Variants in RGMA observed in about 807,000 individuals in gnomAD.
RGMA encodes repulsive guidance molecule A.
In RGMA, 10 loss-of-function variants were observed where a neutral mutation model predicts 23.2. The observed-to-expected ratio is 0.43, with a 90% CI of 0.27 to 0.73. The LOEUF (loss-of-function observed/expected upper bound fraction) is 0.73, where lower values mean the gene tolerates loss of function less well. Among genes scored for constraint, RGMA ranks in the 30% least tolerant of loss-of-function variants. RGMA has a pLI of 0.20. For synonymous variants in RGMA, 308 were observed against 279.3 expected, an observed-to-expected ratio of 1.10 and a Z score of -1.03; for missense variants, 547 against 630.5, an observed-to-expected ratio of 0.87 and a Z score of 1.42.
intron 2 of RGMA, chr15:93,066,629 C>T (rs573388403): frequency 3.6e-4 from 161 of 443,192 alleles, no homozygotes; most frequent in African/African-American, 2.5e-3. Flanking sequence ...CCGTCACCAC[C>T]GCCGCCGCCT....
At chr15:93,072,799 G>T in intron 2 of RGMA, 117 bp downstream of exon 2, 1 of 1,111,828 alleles carries the variant, frequency 9.0e-7, no homozygotes, top group Non-Finnish European at 1.3e-6. Flanking sequence ...GAAATAGGAG[G>T]CGGGGTCCGG....
At chr15:93,077,838 G>A (rs115922949) in intron 1 of RGMA, among the ~76,000 whole-genome samples, 2,547 of 152,304 alleles carry the variant, frequency 0.017, 72 homozygotes, top group African/African-American at 0.056. Flanking sequence ...CTCCTGAGCT[G>A]CTGGGATTAC....
intron 3 of RGMA, 82 bp downstream of exon 3, chr15:93,051,911 A>AG (rs2054926675): frequency 1.4e-6 from 2 of 1,399,420 alleles, no homozygotes; most frequent in Non-Finnish European, 1.9e-6. Context: ...CAGGCACCCG[A>AG]GGCCCTCTCA....
chr15:93,084,403 C>A (rs1236102768), intron 1 of RGMA, among the ~76,000 whole-genome samples: 3 of 152,144 alleles, frequency 2.0e-5, no homozygotes, highest in African/African-American at 7.2e-5. Flanking sequence ...GTGGGTCAGA[C>A]TTTGATGGAG....
chr15:93,058,909 G>A (rs1352626475), intron 2 of RGMA, among the ~76,000 whole-genome samples: 1 of 152,178 alleles, frequency 6.6e-6, no homozygotes, highest in Non-Finnish European at 1.5e-5. Context: ...GGGTAGGTAC[G>A]TGGGCTGGGC....
At position 93,044,904 on chromosome 15, in the gene RGMA, A is replaced by G. The variant is rs2054789594; in HGVS notation, c.*94T>C. 2 of 1,059,316 alleles carry G rather than the reference A, an allele frequency of 1.9e-6. No individual in the cohort carries two copies. Among genetic ancestry groups the G allele is most frequent in the Non-Finnish European group, 2.7e-6 (2 of 738,372 alleles). 65.6% of individuals were successfully genotyped at this position (1,059,316 alleles called of 1,614,324 possible). A position where few individuals can be genotyped will look rare whatever the true frequency, so the allele number is the denominator to read the frequency against. ...CTGGCGTTCTGCGGGGCCATGGTGG[A>G]CACGCCAGGAGATCTGCACCCCGTG... On this transcript the variant is annotated 3_prime_UTR_variant, in exon 4 of 4. Coordinates refer to ENST00000329082, the MANE Select transcript of RGMA (RefSeq NM_020211.3).
At chr15:93,065,560 C>T in intron 2 of RGMA, 1 of 708,134 alleles carries the variant, frequency 1.4e-6, no homozygotes, top group Non-Finnish European at 2.6e-6. Context: ...CAGATGGCAG[C>T]TCTGGGTGTC....
chr15:93,087,626 AC>A (rs1307210489), intron 1 of RGMA, among the ~76,000 whole-genome samples: 1 of 152,038 alleles, frequency 6.6e-6, no homozygotes, highest in Non-Finnish European at 1.5e-5. Flanking sequence ...CCAAGAAATC[AC>A]CCGTTTGTGA....
chr15:93,060,528 C>G (rs1460197547), intron 2 of RGMA, among the ~76,000 whole-genome samples: 2 of 152,210 alleles, frequency 1.3e-5, no homozygotes, highest in African/African-American at 4.8e-5. Context: ...CAGAGTGGCT[C>G]CCAGACCCGA....
intron 2 of RGMA, among the ~76,000 whole-genome samples, chr15:93,052,944 GACCTTAT>G (rs1304894785): frequency 8.5e-5 from 13 of 152,218 alleles, no homozygotes; most frequent in African/African-American, 3.1e-4. Context: ...GGCATTGTAT[GACCTTAT>G]ACAAATGGCC....
intron 3 of RGMA, among the ~76,000 whole-genome samples, chr15:93,047,538 A>G (rs1399440063): frequency 6.6e-6 from 1 of 151,698 alleles, no homozygotes; most frequent in Non-Finnish European, 1.5e-5. Flanking sequence ...CCCACCACTA[A>G]GCCCCAACCC....
chr15:93,060,737 G>A (rs1375493408), intron 2 of RGMA, among the ~76,000 whole-genome samples: 2 of 152,234 alleles, frequency 1.3e-5, no homozygotes, highest in Non-Finnish European at 2.9e-5. Context: ...TAGAACCTGG[G>A]AGCCTGGGGA....
chr15:93,065,860 G>C lies in RGMA; in HGVS notation c.130+7056C>G, dbSNP rs1230127722. ...CCTGCTGTTGCTGCCCCTCCAATGG[G>C]GCTCTTTGGGCTCTACCCCGTCAGT... On this transcript the variant is annotated intron_variant, in intron 2 of 3. Transcript: ENST00000329082. 8 of 737,234 alleles carry C rather than the reference G, an allele frequency of 1.1e-5. No homozygotes were observed. In the East Asian group the frequency reaches 1.9e-4, roughly 18 times the overall value. 45.7% of individuals were successfully genotyped at this position (737,234 alleles called of 1,614,324 possible).
chr15:93,065,638 AG>A, intron 2 of RGMA: 1 of 915,920 alleles, frequency 1.1e-6, no homozygotes. Flanking sequence ...CTGAGGTCTC[AG>A]GGGCTGCGGG....
At chr15:93,047,983 G>T (rs529206102) in intron 3 of RGMA, among the ~76,000 whole-genome samples, 2 of 152,330 alleles carry the variant, frequency 1.3e-5, no homozygotes. Context: ...GCAGCATGAG[G>T]CCATCCTGTT....
chr15:93,045,062 AG>A lies in RGMA; in HGVS notation c.1288del (p.Leu430TrpfsTer77). The part of the protein sequence containing the change: ...LPGRAAAGLP[L>X]APRPLLGALV... ...GGCGCCCAGGAGGGGCCGGGGGGCC[AG>A]GGGCAGCCCCGCAGCCGCCCTGCCT... On this transcript the variant is annotated frameshift_variant, in exon 4 of 4. Coordinates refer to ENST00000329082, the MANE Select transcript of RGMA (RefSeq NM_020211.3). LOFTEE classifies it low-confidence loss of function (END_TRUNC). This position sits in a 1 kb window ranked among gnomAD's most constrained non-coding sequence, Gnocchi z 6.9. The A allele has an allele frequency of 6.4e-7, 1 of 1,574,046 alleles. No individual in the cohort carries two copies. Among genetic ancestry groups the A allele is most frequent in the Non-Finnish European group, 8.6e-7 (1 of 1,159,864 alleles).
At chr15:93,050,291 G>A (rs1215379769) in intron 3 of RGMA, among the ~76,000 whole-genome samples, 3 of 152,196 alleles carry the variant, frequency 2.0e-5, no homozygotes, top group Admixed American at 6.5e-5. Context: ...CCTGAGTAAC[G>A]GAGGCCTGAC....
chr15:93,048,706 G>A (rs1160587688), intron 3 of RGMA, among the ~76,000 whole-genome samples: 1 of 152,130 alleles, frequency 6.6e-6, no homozygotes, highest in Non-Finnish European at 1.5e-5. Context: ...TATGGAAACG[G>A]CAACTTCATA....
intron 2 of RGMA, among the ~76,000 whole-genome samples, chr15:93,057,747 C>A (rs17526269): frequency 1.3e-5 from 2 of 152,006 alleles, no homozygotes; most frequent in African/African-American, 4.8e-5. Context: ...ACCAGATTGA[C>A]TTAACTTCAC....
Sources: allele counts gnomAD v4.1 joint callset (sites outside exome capture counted in the v4.1 genomes callset), GRCh38; gene constraint gnomAD v4.1.1; non-coding constraint Gnocchi (gnomAD v3.1); transcripts MANE v1.5; gene names NCBI Gene and HGNC (gene_info 2026-07-23, HGNC 2026-07-21).